The following LRP1B variants were observed in gnomAD, a reference collection of about 807,000 sequenced individuals.
The protein encoded by LRP1B is low-density lipoprotein receptor-related protein 1B.
A neutral mutation model predicts 556.6 loss-of-function variants in LRP1B; 217 were observed. That is an observed-to-expected ratio of 0.39 (90% CI 0.35 to 0.44). LRP1B has a LOEUF of 0.44. Among genes scored for constraint, LRP1B ranks in the 20% least tolerant of loss-of-function variants. The pLI, the probability that LRP1B is intolerant of heterozygous loss-of-function variation, is 1.00. For synonymous variants in LRP1B, 2,047 were observed against 1,865.8 expected (o/e 1.10, Z -2.50); for missense variants, 5,053 against 5,620.8 (o/e 0.90, Z 3.23).
At chr2:141,360,224 G>C (rs1288951050) in intron 3 of LRP1B, among the ~76,000 whole-genome samples, 1 of 152,176 alleles carries the variant, frequency 6.6e-6, no homozygotes, top group Admixed American at 6.5e-5. Context: ...ATCGTTGTAA[G>C]CCAGAATGAT....
chr2:141,968,586 A>G (rs1466831459), intron 1 of LRP1B, among the ~76,000 whole-genome samples: 10 of 151,812 alleles, frequency 6.6e-5, no homozygotes, highest in Non-Finnish European at 1.3e-4. Flanking sequence ...TTCTATTCTA[A>G]GCACAGAGTA....
In LRP1B at chr2:140,818,380, CAT is replaced by C. The variant is rs10588841; in HGVS notation, c.5210-4576_5210-4575del. On this transcript the variant is annotated intron_variant, in intron 31 of 90. Coordinates refer to ENST00000389484, the MANE Select transcript of LRP1B (RefSeq NM_018557.3). ...AACTGACCATTGTAAACACAGAAAA[CAT>C]AGAGAAATACCAATAAGTTACATCA... Among the ~76,000 whole-genome samples the C allele has an allele frequency of 9.6e-3, 1,466 of 152,250 alleles. 33 individuals are homozygous for C. The highest frequency in any genetic ancestry group is 0.032 in the African/African-American group (1,332 of 41,554).
At chr2:140,510,455 A>T (rs1689603732) in intron 51 of LRP1B, among the ~76,000 whole-genome samples, 1 of 152,228 alleles carries the variant, frequency 6.6e-6, no homozygotes, top group East Asian at 1.9e-4. Flanking sequence ...TTAACATATT[A>T]ACTCATTTAT....
chr2:141,903,822 A>G (rs1363132332), intron 1 of LRP1B, among the ~76,000 whole-genome samples: 1 of 151,986 alleles, frequency 6.6e-6, no homozygotes, highest in Non-Finnish European at 1.5e-5. Flanking sequence ...TAAAGAAACA[A>G]GTAATGTGGT....
At chr2:140,522,840 A>T (rs990359050) in intron 49 of LRP1B, among the ~76,000 whole-genome samples, 2 of 151,944 alleles carry the variant, frequency 1.3e-5, no homozygotes, top group Admixed American at 1.3e-4. Context: ...AAAATTGAGT[A>T]AGGAAGACAT....
chr2:141,741,698 C>A (rs1949011), intron 2 of LRP1B, among the ~76,000 whole-genome samples: 59,802 of 151,918 alleles, frequency 0.39, 12,333 homozygotes, highest in East Asian at 0.51. Context: ...TTATTAATCT[C>A]GTCAGATGGG....
chr2:141,613,557 T>C (rs1427446469), intron 2 of LRP1B, among the ~76,000 whole-genome samples: 1 of 152,152 alleles, frequency 6.6e-6, no homozygotes, highest in Non-Finnish European at 1.5e-5. Context: ...CCTGTACTCT[T>C]ATTGAACACC....
chr2:141,102,379 G>C (rs1404363335), intron 7 of LRP1B, among the ~76,000 whole-genome samples: 1 of 152,064 alleles, frequency 6.6e-6, no homozygotes, highest in Non-Finnish European at 1.5e-5. Context: ...TTTTTTCGAG[G>C]TTAACCCTCA....
rs932673160 is a variant in LRP1B at position 140,890,539 on chromosome 2, A to T, written c.3767-4204T>A. Among the ~76,000 whole-genome samples the T allele has an allele frequency of 5.9e-5, 9 of 152,112 alleles. No individual in the cohort carries two copies. In the East Asian group the frequency reaches 1.3e-3, roughly 23 times the overall value. On this transcript the variant is annotated intron_variant, in intron 23 of 90. Transcript: ENST00000389484. ...TTTATGTTGAGAAAACATTTGTTTGATAAATATTTACTGAATTATGCTTGA... is the reference window on the plus strand; with the variant it reads ...TTTATGTTGAGAAAACATTTGTTTGTTAAATATTTACTGAATTATGCTTGA...
At chr2:141,575,972 T>G (rs1686726503) in intron 2 of LRP1B, among the ~76,000 whole-genome samples, 1 of 152,106 alleles carries the variant, frequency 6.6e-6, no homozygotes, top group African/African-American at 2.4e-5. Context: ...GAAATAGGAA[T>G]GCTTTTACAC....
intron 2 of LRP1B, among the ~76,000 whole-genome samples, chr2:141,625,656 T>C (rs1688679360): frequency 6.6e-6 from 1 of 152,164 alleles, no homozygotes; most frequent in Non-Finnish European, 1.5e-5. Flanking sequence ...AATGAATAAA[T>C]GAAATAAATA....
At chr2:141,537,966 G>A (rs1313726784) in intron 2 of LRP1B, among the ~76,000 whole-genome samples, 1 of 152,116 alleles carries the variant, frequency 6.6e-6, no homozygotes, top group Non-Finnish European at 1.5e-5. Context: ...ACAAAAACCT[G>A]TAGGATAAAA....
intron 41 of LRP1B, among the ~76,000 whole-genome samples, chr2:140,650,789 C>A (rs1266026915): frequency 1.3e-5 from 2 of 152,098 alleles, no homozygotes; most frequent in Non-Finnish European, 2.9e-5. Context: ...CTTGCCACCA[C>A]TAAATTCTAG....
At chr2:140,691,852 G>C (rs925235581) in intron 41 of LRP1B, among the ~76,000 whole-genome samples, 1 of 152,114 alleles carries the variant, frequency 6.6e-6, no homozygotes, top group African/African-American at 2.4e-5. Flanking sequence ...AAATGTTTTA[G>C]ATGTATAGAA....
chr2:141,460,702 A>G (rs1681834662), intron 3 of LRP1B, among the ~76,000 whole-genome samples: 1 of 152,194 alleles, frequency 6.6e-6, no homozygotes, highest in South Asian at 2.1e-4. Flanking sequence ...TTGTGGTTTC[A>G]ACCTAGATAG....
chr2:141,345,588 C>A (rs1374480201), intron 3 of LRP1B, among the ~76,000 whole-genome samples: 1 of 151,752 alleles, frequency 6.6e-6, no homozygotes, highest in South Asian at 2.1e-4. Context: ...CACCTAGGCT[C>A]AAGGGATCCT....
intron 3 of LRP1B, among the ~76,000 whole-genome samples, chr2:141,380,589 CCT>C (rs1689602055): frequency 6.6e-6 from 1 of 152,154 alleles, no homozygotes; most frequent in Non-Finnish European, 1.5e-5. Context: ...ATTCATTAGG[CCT>C]CTAGGTGCAA....
In LRP1B at chr2:140,884,615, A is replaced by G. The variant is rs555532473; in HGVS notation, c.3965-594T>C. Among the ~76,000 whole-genome samples, 46 of 152,348 alleles carry G rather than the reference A, an allele frequency of 3.0e-4. 3 individuals carry two copies. In the South Asian group the frequency reaches 6.8e-3, roughly 23 times the overall value. On this transcript the variant is annotated intron_variant, in intron 24 of 90. Transcript: ENST00000389484. ...GCAAGATGTAACAAAAATGTAAATA[A>G]GAGAAAAAGGTCTGAATAAAAATAA...
chr2:140,719,062 T>C (rs1313286583), intron 35 of LRP1B, among the ~76,000 whole-genome samples: 2 of 152,136 alleles, frequency 1.3e-5, no homozygotes, highest in African/African-American at 2.4e-5. Context: ...GTTTGTTGAG[T>C]GTCTCTTTTG....
Sources: allele counts gnomAD v4.1 joint callset (sites outside exome capture counted in the v4.1 genomes callset), GRCh38; gene constraint gnomAD v4.1.1; transcripts MANE v1.5; gene names NCBI Gene and HGNC (gene_info 2026-07-23, HGNC 2026-07-21).